MYH11: variants seen among roughly 807,000 people sequenced by gnomAD.
MYH11 encodes the protein myosin heavy chain 11.
A neutral mutation model predicts 246.6 loss-of-function variants in MYH11; 80 were observed. The observed-to-expected ratio is 0.32, with a 90% CI of 0.27 to 0.39. The LOEUF (loss-of-function observed/expected upper bound fraction) is 0.39. Among genes scored for constraint, MYH11 ranks in the 10% least tolerant of loss-of-function variants. The pLI is 1.00. For missense variants in MYH11, 2,158 were observed against 2,546.8 expected (o/e 0.85, Z 3.29); for synonymous variants, 1,071 against 1,015.5 (o/e 1.05, Z -1.04).
chr16:15,833,194 G>C (rs937048722), intron 2 of MYH11, among the ~76,000 whole-genome samples: 2 of 151,624 alleles, frequency 1.3e-5, no homozygotes, highest in Non-Finnish European at 2.9e-5. Flanking sequence ...AGCTACTAAG[G>C]AGACTGAGAT....
chr16:15,764,155 C>G (rs1173739406), intron 9 of MYH11, among the ~76,000 whole-genome samples: 2 of 152,164 alleles, frequency 1.3e-5, no homozygotes, highest in African/African-American at 4.8e-5. Context: ...TAGTGGAAAA[C>G]AGCTATACTC....
At chr16:15,778,190 A>G (rs545835466) in intron 7 of MYH11, among the ~76,000 whole-genome samples, 2 of 152,300 alleles carry the variant, frequency 1.3e-5, no homozygotes, top group African/African-American at 4.8e-5. Context: ...CAGGTTCATG[A>G]AAGAGATGCT....
chr16:15,715,380 G>A (rs1004036793), intron 38 of MYH11, 108 bp from the exon 39 acceptor site: 2 of 961,824 alleles, frequency 2.1e-6, no homozygotes, highest in African/African-American at 1.6e-5. Context: ...CCCCGTATCT[G>A]GACTCCTCTC....
At chr16:15,714,650 C>T in intron 40 of MYH11, 1 of 583,790 alleles carries the variant, frequency 1.7e-6, no homozygotes. Flanking sequence ...TCCTCCTCCT[C>T]AGCCGGAGGA....
chr16:15,722,817 T>C (rs1297139202), intron 31 of MYH11, among the ~76,000 whole-genome samples: 1 of 152,192 alleles, frequency 6.6e-6, no homozygotes, highest in African/African-American at 2.4e-5. Context: ...CTTGGCTCAC[T>C]GCAACCTCCA....
At chr16:15,838,387 A>T (rs2043963404) in intron 1 of MYH11, 118 bp from the exon 2 acceptor site, 2 of 783,624 alleles carry the variant, frequency 2.6e-6, no homozygotes, top group Non-Finnish European at 4.4e-6. Context: ...CCAAGTACAA[A>T]GACCTGCAGT....
intron 2 of MYH11, among the ~76,000 whole-genome samples, chr16:15,827,411 G>A (rs538659302): frequency 1.1e-4 from 16 of 152,330 alleles, no homozygotes; most frequent in Non-Finnish European, 2.1e-4. Context: ...CACGGGGTCC[G>A]TGGGGGTGAA....
chr16:15,741,901 C>A lies in MYH11; in HGVS notation c.2521-10G>T. On this transcript the variant is annotated splice_polypyrimidine_tract_variant and intron_variant, in intron 20 of 40. Coordinates refer to ENST00000300036, the MANE Select transcript of MYH11 (RefSeq NM_002474.3). ...GCAGCAGTGGCTTCACCTGCACACA[C>A]ACGGTTAGCCCATCATTTGTTTTTG... is the stretch of plus-strand genomic sequence containing the variant. 1 of 1,614,208 alleles carries A rather than the reference C, an allele frequency of 6.2e-7. No individual in the cohort carries two copies.
At chr16:15,849,943 T>C (rs1453604758) in intron 1 of MYH11, among the ~76,000 whole-genome samples, 3 of 152,198 alleles carry the variant, frequency 2.0e-5, no homozygotes, top group Non-Finnish European at 2.9e-5. Flanking sequence ...TACCATTTTA[T>C]GGGACCCGTC....
In MYH11 at chr16:15,780,989, G is replaced by A. The variant is rs7194583; in HGVS notation, c.726+1396C>T. On this transcript the variant is annotated intron_variant, in intron 6 of 40. Coordinates refer to ENST00000300036, the MANE Select transcript of MYH11 (RefSeq NM_002474.3). ...TTTCCTTGTATTTGTAGCTGTCGCC[G>A]TGGATAGACCTAAGTGTCTGTCTCT... Among the ~76,000 whole-genome samples, 623 of 152,296 alleles carry A rather than the reference G, an allele frequency of 4.1e-3. 2 individuals are homozygous for A. The highest frequency in any genetic ancestry group is 0.017 in the Middle Eastern group (5 of 294).
chr16:15,755,653 C>G (rs2041693093), intron 14 of MYH11, among the ~76,000 whole-genome samples: 2 of 152,106 alleles, frequency 1.3e-5, no homozygotes, highest in African/African-American at 2.4e-5. Context: ...AGCTGGGCGG[C>G]CAGGCACGGT....
rs577410821 is a variant in MYH11, at chr16:15,704,614, A to T, written c.5787-491T>A. On this transcript the variant is annotated intron_variant, in intron 40 of 40. Transcript: ENST00000300036. ...CTTAGAGGTGAGTTTTCAAGATTTG[A>T]ATTGGAAGAAGGTGAAATGGACAAG... is the stretch of plus-strand genomic sequence containing the variant. Among the ~76,000 whole-genome samples the T allele has an allele frequency of 1.5e-4, 23 of 152,228 alleles. No individual in the cohort carries two copies. In the South Asian group the frequency reaches 4.6e-3, roughly 30 times the overall value.
At chr16:15,845,576 C>A (rs553637915) in intron 1 of MYH11, among the ~76,000 whole-genome samples, 2 of 152,296 alleles carry the variant, frequency 1.3e-5, no homozygotes, top group South Asian at 4.1e-4. Context: ...TGATACGACG[C>A]GTCTTCTTTT....
intron 1 of MYH11, among the ~76,000 whole-genome samples, chr16:15,842,392 A>G (rs1427706793): frequency 6.6e-6 from 1 of 152,078 alleles, no homozygotes; most frequent in African/African-American, 2.4e-5. Flanking sequence ...CTCAGTCTCA[A>G]AAAAACGAAA....
chr16:15,776,108 T>C lies in MYH11; in HGVS notation c.859A>G (p.Met287Val). The change falls in exon 8 of 41, where the codon ATG (methionine) becomes GTG (valine). Residue 287 changes from methionine to valine, a missense_variant. This residue lies in a region of MYH11 where 123 missense variants were observed against 207.1 expected (regional missense o/e 0.59). Transcript: ENST00000300036. ...ATCTTCTCCTTGGCTCCAGCAATCATGTAGTAAAAGATGTGGAATGTCCTC... is the reference window on the plus strand; with the variant it reads ...ATCTTCTCCTTGGCTCCAGCAATCACGTAGTAAAAGATGTGGAATGTCCTC... The part of the protein sequence containing the change: ...DERTFHIFYY[M>V]IAGAKEKMRS... 6.2e-7 allele frequency: 1 copy of C among 1,613,848 alleles called. No individual in the cohort carries two copies. The highest frequency in any genetic ancestry group is 1.1e-5 in the South Asian group (1 of 91,074).
chr16:15,790,956 T>TA (rs2042594957), intron 4 of MYH11: 2 of 57,912 alleles, frequency 3.5e-5, no homozygotes, highest in Non-Finnish European at 7.6e-5. Flanking sequence ...TTTTCTTTTC[T>TA]TTTTTTTTTT....
rs765435868 is a variant in MYH11 at position 15,720,902 on chromosome 16, G to C, written c.4728C>G (p.Phe1576Leu). 8 of 1,613,704 alleles carry C rather than the reference G, an allele frequency of 5.0e-6. No homozygotes were observed. The highest frequency in any genetic ancestry group is 1.7e-4 in the Middle Eastern group (1 of 6,060). Residue 1576 changes from phenylalanine to leucine, a missense_variant, in exon 33 of 41, where the codon TTC becomes TTG. Phe to Leu is a conservative substitution (Grantham distance 22, BLOSUM62 0). Coordinates refer to ENST00000300036, the MANE Select transcript of MYH11 (RefSeq NM_002474.3). The part of the protein sequence containing the change: ...EVNMQALKGQ[F>L]ERDLQARDEQ... ...CGTCCCGGGCTTGGAGATCCCTTTC[G>C]AACTGGCCCTTGAGCGCCTGCATGT...
In MYH11 at chr16:15,741,174, G is replaced by A. The variant is rs1160424622; in HGVS notation, c.2859+289C>T. ...TATTTTTAGCTGCTGAGTTTGGCAT[G>A]TTTTGTTATGTAGCAATAGCTAACA... On this transcript the variant is annotated intron_variant, in intron 22 of 40. Transcript: ENST00000300036. 3 of 571,936 alleles carry A rather than the reference G, an allele frequency of 5.2e-6. No individual in the cohort carries two copies. The African/African-American group carries it at 5.6e-5, about 11-fold the overall frequency. The allele number at this position is 571,936 out of a possible 1,614,324, so 35.4% of individuals were successfully genotyped here.
At chr16:15,741,730 G>A (rs370944843) in intron 21 of MYH11, 30 bp downstream of exon 21, 12 of 1,614,012 alleles carry the variant, frequency 7.4e-6, no homozygotes, top group East Asian at 2.2e-5. Context: ...CTGTTCCCCA[G>A]CAACCCCAGC....
Sources: allele counts gnomAD v4.1 joint callset (sites outside exome capture counted in the v4.1 genomes callset), GRCh38; gene constraint gnomAD v4.1.1; regional missense constraint gnomAD v4.1.1; transcripts MANE v1.5; gene names NCBI Gene and HGNC (gene_info 2026-07-23, HGNC 2026-07-21).